Variants in ACSS1 observed in about 807,000 individuals in gnomAD.
ACSS1 encodes the protein acetyl-coenzyme A synthetase 2-like, mitochondrial.
In ACSS1, 42 loss-of-function variants were observed where a neutral mutation model predicts 75.3. The observed-to-expected ratio is 0.56, with a 90% CI of 0.44 to 0.72. The LOEUF is 0.72. Ranked by LOEUF, ACSS1 falls within the 30% of genes least tolerant of loss-of-function variation. The pLI is 0.00. For missense variants in ACSS1, 782 were observed against 935.7 expected (o/e 0.84, Z 2.14); for synonymous variants, 380 against 376.8 (o/e 1.01, Z -0.10).
chr20:25,017,605 T>C (rs1339493054), intron 7 of ACSS1, among the ~76,000 whole-genome samples: 1 of 152,176 alleles, frequency 6.6e-6, no homozygotes, highest in African/African-American at 2.4e-5. Flanking sequence ...AATGTGCCTA[T>C]CAACCAGCTA....
intron 2 of ACSS1, 98 bp from the exon 3 acceptor site, chr20:25,031,056 C>T (rs1317275272): frequency 8.2e-6 from 10 of 1,221,514 alleles, no homozygotes; most frequent in Non-Finnish European, 1.1e-5. Flanking sequence ...ATGTCATATA[C>T]ATCCAGCCCA....
At chr20:25,033,184 A>G (rs1600332161) in intron 2 of ACSS1, among the ~76,000 whole-genome samples, 2 of 152,198 alleles carry the variant, frequency 1.3e-5, no homozygotes, top group African/African-American at 4.8e-5. Context: ...TTCCGTTTTC[A>G]TAGCTCTGAG....
chr20:25,012,265 A>G, intron 12 of ACSS1: 2 of 368,578 alleles, frequency 5.4e-6, no homozygotes, highest in Non-Finnish European at 1.0e-5. Flanking sequence ...ATTTTCTCAT[A>G]AACTCTCTGT....
intron 5 of ACSS1, among the ~76,000 whole-genome samples, chr20:25,022,596 T>C (rs1479654610): frequency 6.6e-6 from 1 of 152,264 alleles, no homozygotes; most frequent in Non-Finnish European, 1.5e-5. Context: ...GGCATTTGCC[T>C]TATAATAATT....
intron 7 of ACSS1, 117 bp downstream of exon 7, chr20:25,019,893 G>T: frequency 1.4e-6 from 2 of 1,454,018 alleles, no homozygotes; most frequent in Non-Finnish European, 1.9e-6. Flanking sequence ...CTGGCATTGC[G>T]TGAATTCACA....
chr20:25,030,777 C>A lies in ACSS1; in HGVS notation c.613G>T (p.Ala205Ser), dbSNP rs757648513. 3.7e-6 allele frequency: 6 copies of A among 1,614,252 alleles called. No homozygotes were observed. Among genetic ancestry groups the A allele is most frequent in the East Asian group, 2.2e-5 (1 of 44,888 alleles). Reference sequence around the variant, plus strand: ...TCCTCACCATCATTGATCCTCCCAGCCAAGGACTCTGCACTGAAGCCAGCA... The same window carrying A: ...TCCTCACCATCATTGATCCTCCCAGACAAGGACTCTGCACTGAAGCCAGCA... ...IFAGFSAESL[A>S]GRINDAKCKV... Residue 205 changes from alanine to serine, a missense_variant, in exon 3 of 14, where the codon GCT becomes TCT. By Grantham distance (99) the Ala-to-Ser change is moderately conservative. This residue lies in a region of ACSS1 where 377 missense variants were observed against 383.1 expected (regional missense o/e 0.98). Transcript: ENST00000323482.
intron 1 of ACSS1, among the ~76,000 whole-genome samples, chr20:25,049,545 A>G (rs1253887187): frequency 6.6e-6 from 1 of 152,212 alleles, no homozygotes; most frequent in African/African-American, 2.4e-5. Flanking sequence ...GAAACATGCA[A>G]AAGTGACCAA....
chr20:25,031,099 G>T, intron 2 of ACSS1, 141 bp from the exon 3 acceptor site: 1 of 834,454 alleles, frequency 1.2e-6, no homozygotes, highest in Non-Finnish European at 2.0e-6. Flanking sequence ...AATACTTAAT[G>T]CATGGAAAGT....
At chr20:25,032,408 CA>C in intron 2 of ACSS1, 1 of 1,405,322 alleles carries the variant, frequency 7.1e-7, no homozygotes, top group Non-Finnish European at 9.3e-7. Flanking sequence ...GAAGCGATCC[CA>C]AGGTTGTCTT....
At chr20:25,014,148 G>T in intron 8 of ACSS1, 75 bp from the exon 9 acceptor site, 3 of 1,265,494 alleles carry the variant, frequency 2.4e-6, no homozygotes, top group South Asian at 1.3e-5. Flanking sequence ...TGGGTGGTAG[G>T]TGGGACTGTC....
chr20:25,015,127 G>A lies in ACSS1; in HGVS notation c.1339+11C>T. On this transcript the variant is annotated intron_variant, in intron 8 of 13. Coordinates refer to ENST00000323482, the MANE Select transcript of ACSS1 (RefSeq NM_032501.4). The stretch of plus-strand genomic sequence containing the variant: ...CACTTAGACCGGAACCTGTTCCCCA[G>A]GCCTCCTCACCTGTCTGCCACCAGG... The A allele has an allele frequency of 2.5e-6, 4 of 1,604,312 alleles. No homozygotes were observed. Among genetic ancestry groups the A allele is most frequent in the Non-Finnish European group, 3.4e-6 (4 of 1,173,098 alleles).
chr20:25,022,619 CA>C (rs1292725886), intron 5 of ACSS1, among the ~76,000 whole-genome samples: 1 of 152,200 alleles, frequency 6.6e-6, no homozygotes, highest in African/African-American at 2.4e-5. Context: ...TTAAGCCATG[CA>C]TTTAATTTGG....
chr20:25,048,335 C>G (rs928458923), intron 1 of ACSS1, among the ~76,000 whole-genome samples, 154 bp from the exon 2 acceptor site: 1 of 152,140 alleles, frequency 6.6e-6, no homozygotes, highest in East Asian at 1.9e-4. Flanking sequence ...GTTTCTACCC[C>G]CTTGCAAGGA....
At chr20:25,049,334 G>A (rs1313947366) in intron 1 of ACSS1, among the ~76,000 whole-genome samples, 2 of 152,188 alleles carry the variant, frequency 1.3e-5, no homozygotes, top group Admixed American at 1.3e-4. Flanking sequence ...CATGCCAAGT[G>A]TAGCATTAAC....
chr20:25,057,814 T>C lies in ACSS1; in HGVS notation c.289A>G (p.Thr97Ala), dbSNP rs1414630988. ...CCCAGGAACCAGCCGATCTTGCCAG[T>C]GCTGAAGTCGCAGTCCCAGACGGTG... ...YHTVWDCDFS[T>A]GKIGWFLGGQ... Residue 97 changes from threonine (T) to alanine (A), a missense_variant, in exon 1 of 14, where the codon ACT becomes GCT. Thr to Ala is a moderately conservative substitution (Grantham distance 58). Transcript: ENST00000323482. 1.2e-5 allele frequency: 19 copies of C among 1,602,948 alleles called. No individual in the cohort carries two copies. Among genetic ancestry groups the C allele is most frequent in the Non-Finnish European group, 1.6e-5 (19 of 1,172,324 alleles).
chr20:25,036,986 A>AGG lies in ACSS1; in HGVS notation c.432-6029_432-6028insCC, dbSNP rs1357429221. Among the ~76,000 whole-genome samples, 71 of 121,068 alleles carry AGG rather than the reference A, an allele frequency of 5.9e-4. 1 individual carries two copies. The highest frequency in any genetic ancestry group is 2.0e-3 in the African/African-American group (67 of 33,266). 79.4% of individuals were successfully genotyped at this position (121,068 alleles called of 152,430 possible). ...AAAAAGAAGAAGAAGAAAGAAAGAA[A>AGG]AAGAAAGAAAGAAGAAAGAAAGGAA... On this transcript the variant is annotated intron_variant, in intron 2 of 13. Coordinates refer to ENST00000323482, the MANE Select transcript of ACSS1 (RefSeq NM_032501.4).
rs748883343 is a variant in ACSS1 at position 25,009,395 on chromosome 20, A to C, written c.1772-7T>G. On this transcript the variant is annotated splice_region_variant and splice_polypyrimidine_tract_variant and intron_variant, in intron 12 of 13. Coordinates refer to ENST00000323482, the MANE Select transcript of ACSS1 (RefSeq NM_032501.4). ...ACAATGAAGGCAAAGGCAGCTGAAA[A>C]TAAAGCCAAGTTTGGGGATGTATTA... The C allele has an allele frequency of 2.5e-6, 4 of 1,610,696 alleles. No individual in the cohort carries two copies. The East Asian group carries it at 8.9e-5, about 36-fold the overall frequency.
intron 2 of ACSS1, chr20:25,032,297 A>G (rs2088839477): frequency 8.0e-7 from 1 of 1,251,918 alleles, no homozygotes; most frequent in African/African-American, 1.5e-5. Context: ...CACGTGACCC[A>G]ACCTGGTCCA....
rs184626600 is a variant in ACSS1 at position 25,025,168 on chromosome 20, T to C, written c.632-1527A>G. ...CTCACGATACAATGACCCCAGCCCA[T>C]GCAACATGCTGAAATCACACTACAC... On this transcript the variant is annotated intron_variant, in intron 3 of 13. Transcript: ENST00000323482. Among the ~76,000 whole-genome samples the C allele has an allele frequency of 1.2e-3, 182 of 152,296 alleles. 2 individuals are homozygous for C. Among genetic ancestry groups the C allele is most frequent in the Middle Eastern group, 0.01 (3 of 294 alleles).
Sources: gnomAD v4.1 joint callset for allele counts (sites outside exome capture counted in the v4.1 genomes callset) on GRCh38, gnomAD v4.1.1 for gene constraint, gnomAD v4.1.1 regional missense constraint, MANE v1.5 for transcripts, NCBI Gene and HGNC (gene_info 2026-07-23, HGNC 2026-07-21) for gene names.